Variants in PODN observed in about 807,000 individuals in gnomAD.
PODN encodes the protein podocan.
In PODN, 40 loss-of-function variants were observed where a neutral mutation model predicts 52.7. That is an observed-to-expected ratio of 0.76 (90% CI 0.59 to 0.99). PODN has a LOEUF of 0.99. Among genes scored for constraint, PODN ranks in the 50% least tolerant of loss-of-function variants. PODN has a pLI of 0.00. For synonymous variants in PODN, 396 were observed against 377.9 expected (o/e 1.05, Z -0.56); for missense variants, 720 against 815.1 (o/e 0.88, Z 1.42).
chr1:53,064,380 G>T (rs547859010), intron 1 of PODN, among the ~76,000 whole-genome samples: 1 of 152,254 alleles, frequency 6.6e-6, no homozygotes, highest in Non-Finnish European at 1.5e-5. Flanking sequence ...CTAGGGATGG[G>T]CAGCAATGCC....
chr1:53,082,305 A>G, intron 10 of PODN, 117 bp downstream of exon 10: 1 of 1,327,552 alleles, frequency 7.5e-7, no homozygotes, highest in Non-Finnish European at 9.7e-7. Flanking sequence ...TCATCCACCC[A>G]TTTAGCAAAT....
chr1:53,080,763 C>T lies in PODN; in HGVS notation c.1548C>T (p.Ile516=), dbSNP rs750572963. The T allele has an allele frequency of 5.6e-6, 9 of 1,614,134 alleles. No individual in the cohort carries two copies. The highest frequency in any genetic ancestry group is 7.6e-6 in the Non-Finnish European group (9 of 1,180,018). Residue 516 remains isoleucine, a synonymous_variant, in exon 9 of 11, where the codon ATC becomes ATT. Transcript: ENST00000312553. Reference sequence around the variant, plus strand: ...TCGCCGGGAATCAGCTCACAGAGATCCCCGAGGGGCTCCCCGAGTCACTTG... The same window carrying T: ...TCGCCGGGAATCAGCTCACAGAGATTCCCGAGGGGCTCCCCGAGTCACTTG... ...LDIAGNQLTE[I]PEGLPESLEY...
intron 3 of PODN, 34 bp from the exon 4 acceptor site, chr1:53,074,572 A>G (rs201030324): frequency 6.4e-4 from 1,031 of 1,613,144 alleles, no homozygotes; most frequent in Admixed American, 8.8e-4. Flanking sequence ...CGTCTCCTCC[A>G]TCCAGGGCTC....
Position 53,062,281 on chromosome 1 carries a change from G to C in PODN, c.-83G>C, listed in dbSNP as rs1643967577. 1.6e-6 allele frequency: 2 copies of C among 1,260,958 alleles called. No homozygotes were observed. Among genetic ancestry groups the C allele is most frequent in the African/African-American group, 3.1e-5 (2 of 65,472 alleles). 78.1% of individuals were successfully genotyped at this position (1,260,958 alleles called of 1,614,324 possible). A position where few individuals can be genotyped will look rare whatever the true frequency, so the allele number is the denominator to read the frequency against. On this transcript the variant is annotated 5_prime_UTR_variant, in exon 1 of 11. Coordinates refer to ENST00000312553, the MANE Select transcript of PODN (RefSeq NM_153703.5). ...CTGGGGGAGCGCGTTCGGCCTGTGG[G>C]GCGCCGCTCGGCGCCGGGGCGCAGC...
intron 2 of PODN, among the ~76,000 whole-genome samples, chr1:53,070,738 G>A (rs967730244): frequency 1.3e-5 from 2 of 152,244 alleles, no homozygotes; most frequent in South Asian, 4.1e-4. Flanking sequence ...TCCCAGAGGC[G>A]ATCAGGCCTG....
In PODN at chr1:53,078,491, T is replaced by A; in HGVS notation, c.981T>A (p.Asn327Lys). ...ACGCCATCCGGAGCGTGGACGCGAA[T>A]GTGCTGACCCCCATCCGCAGCCTGG... ...EKNAIRSVDA[N>K]VLTPIRSLEY... Residue 327 changes from asparagine to lysine, a missense_variant, in exon 8 of 11, where the codon AAT becomes AAA. Transcript: ENST00000312553. 6.2e-7 allele frequency: 1 copy of A among 1,613,356 alleles called. No homozygotes were observed.
At chr1:53,081,183 G>A (rs968066214) in intron 9 of PODN, among the ~76,000 whole-genome samples, 1 of 152,222 alleles carries the variant, frequency 6.6e-6, no homozygotes, top group Non-Finnish European at 1.5e-5. Flanking sequence ...GGTGACTGCT[G>A]TGTCTGCAGC....
chr1:53,077,087 A>G, intron 5 of PODN, 103 bp from the exon 6 acceptor site: 1 of 1,404,998 alleles, frequency 7.1e-7, no homozygotes, highest in South Asian at 1.3e-5. Context: ...TTGAGTTTGG[A>G]TGGAAGGAGA....
chr1:53,080,338 T>C (rs534228471), intron 8 of PODN, among the ~76,000 whole-genome samples: 1 of 152,352 alleles, frequency 6.6e-6, no homozygotes, highest in East Asian at 1.9e-4. Flanking sequence ...CCCTGGGCTC[T>C]GCCCATTTGA....
In PODN at chr1:53,071,529, C is replaced by A. The variant is rs535841469; in HGVS notation, c.313-6C>A. Reference sequence around the variant, plus strand: ...GCTGCTTCCTTGCGGCCCCCTACCCCCCTAGAACAACCAGCTGGAAAAGAT... The same window carrying A: ...GCTGCTTCCTTGCGGCCCCCTACCCACCTAGAACAACCAGCTGGAAAAGAT... On this transcript the variant is annotated splice_region_variant and splice_polypyrimidine_tract_variant and intron_variant, in intron 2 of 10. Transcript: ENST00000312553. 93 of 1,612,682 alleles carry A rather than the reference C, an allele frequency of 5.8e-5. No individual in the cohort carries two copies. In the Admixed American group the frequency reaches 9.0e-4, roughly 16 times the overall value.
At position 53,078,329 on chromosome 1, in the gene PODN, C is replaced by T. The variant is rs751297394; in HGVS notation, c.855-36C>T. 13 of 1,569,264 alleles carry T rather than the reference C, an allele frequency of 8.3e-6. 1 individual carries two copies. Among genetic ancestry groups the T allele is most frequent in the Non-Finnish European group, 1.0e-5 (12 of 1,148,704 alleles). ...ATGGTGGAAACGAGCACAATGTGGG[C>T]TCTTGCCAACCGTCCTAATTCCCTC... On this transcript the variant is annotated intron_variant, in intron 7 of 10. Transcript: ENST00000312553.
rs982473433 is a variant in PODN at position 53,085,012 on chromosome 1, C to T, written c.*527C>T. On this transcript the variant is annotated 3_prime_UTR_variant, in exon 11 of 11. Coordinates refer to ENST00000312553, the MANE Select transcript of PODN (RefSeq NM_153703.5). ...CCCTGTCCATCTGTCCGTCCGTTCCCTGGAGAAGACACAAGGGTATCCATG... is the reference window on the plus strand; with the variant it reads ...CCCTGTCCATCTGTCCGTCCGTTCCTTGGAGAAGACACAAGGGTATCCATG... 19 of 152,370 alleles carry T rather than the reference C, an allele frequency of 1.2e-4. No individual in the cohort carries two copies. The highest frequency in any genetic ancestry group is 4.3e-4 in the African/African-American group (18 of 41,474). 9.4% of individuals were successfully genotyped at this position (152,370 alleles called of 1,614,324 possible).
Position 53,069,818 on chromosome 1 carries a change from G to A in PODN, c.-38G>A, listed in dbSNP as rs754877608. 31 of 1,582,012 alleles carry A rather than the reference G, an allele frequency of 2.0e-5. No individual in the cohort carries two copies. Among genetic ancestry groups the A allele is most frequent in the Admixed American group, 1.8e-4 (10 of 55,980 alleles). On this transcript the variant is annotated 5_prime_UTR_variant, in exon 2 of 11. Coordinates refer to ENST00000312553, the MANE Select transcript of PODN (RefSeq NM_153703.5). ...CCTCACAGGTTCCGTCAGCCCTGGC[G>A]CCCAGGCGCATCTGACTCGGCACCC... is the stretch of plus-strand genomic sequence containing the variant.
intron 4 of PODN, 38 bp from the exon 5 acceptor site, chr1:53,075,824 C>T (rs773867609): frequency 1.3e-6 from 2 of 1,534,984 alleles, no homozygotes; most frequent in Admixed American, 3.8e-5. Context: ...GCCTCTGCTC[C>T]TCCATTGCTC....
chr1:53,077,746 T>C lies in PODN; in HGVS notation c.800T>C (p.Leu267Pro), dbSNP rs1468030419. 1 of 1,613,768 alleles carries C rather than the reference T, an allele frequency of 6.2e-7. No homozygotes were observed. The highest frequency in any genetic ancestry group is 1.7e-5 in the Admixed American group (1 of 60,012). ...AFSELSSLRE[L>P]YLQNNYLTDE... ...AGCGAGCTGAGCAGCCTGCGCGAGC[T>C]ATACCTGCAGAACAACTACCTGACT... Residue 267 changes from leucine (L) to proline (P), a missense_variant, in exon 7 of 11, where the codon CTA becomes CCA. Leu to Pro is a moderately conservative substitution (Grantham distance 98). Transcript: ENST00000312553.
intron 4 of PODN, among the ~76,000 whole-genome samples, chr1:53,075,176 T>C (rs1644176320): frequency 6.6e-6 from 1 of 152,226 alleles, no homozygotes; most frequent in East Asian, 1.9e-4. Context: ...ATCTGCATCA[T>C]GGCCATGTCC....
chr1:53,069,540 T>C (rs1381824552), intron 1 of PODN, among the ~76,000 whole-genome samples: 1 of 152,152 alleles, frequency 6.6e-6, no homozygotes, highest in African/African-American at 2.4e-5. Context: ...CTTCCCCTTC[T>C]AGGAAATAGG....
In PODN at chr1:53,062,328, G is replaced by A. The variant is rs1270618742; in HGVS notation, c.-56+20G>A. 1.6e-6 allele frequency: 2 copies of A among 1,243,430 alleles called. No individual in the cohort carries two copies. The highest frequency in any genetic ancestry group is 4.2e-5 in the Admixed American group (1 of 23,570). The allele number at this position is 1,243,430 out of a possible 1,614,324, so 77.0% of individuals were successfully genotyped here. ...CAGCAGGTACAGGGCGCTGGCAGCC[G>A]GGGTGGGCCGAGGGGCCGGGGGCTG... On this transcript the variant is annotated intron_variant, in intron 1 of 10. Coordinates refer to ENST00000312553, the MANE Select transcript of PODN (RefSeq NM_153703.5).
At chr1:53,069,303 G>A (rs932209146) in intron 1 of PODN, among the ~76,000 whole-genome samples, 1 of 152,222 alleles carries the variant, frequency 6.6e-6, no homozygotes, top group African/African-American at 2.4e-5. Context: ...AGGCCTGGAG[G>A]GAGGAGCTAT....
Sources: allele counts gnomAD v4.1 joint callset (sites outside exome capture counted in the v4.1 genomes callset), GRCh38; gene constraint gnomAD v4.1.1; transcripts MANE v1.5; gene names NCBI Gene and HGNC (gene_info 2026-07-23, HGNC 2026-07-21).